IDUA: variants seen among roughly 807,000 people sequenced by gnomAD.
IDUA encodes alpha-L-iduronidase.
A neutral mutation model predicts 68.9 loss-of-function variants in IDUA; 65 were observed. That is an observed-to-expected ratio of 0.94 (90% CI 0.77 to 1.16). IDUA has a LOEUF of 1.16. Among genes scored for constraint, IDUA ranks in the 50% most tolerant of loss-of-function variants. The pLI is 0.00. For synonymous variants in IDUA, 529 were observed against 433.6 expected (o/e 1.22, Z -2.73); for missense variants, 1,046 against 938.0 (o/e 1.12, Z -1.50).
At chr4:987,007 G>A, upstream of IDUA, 7 of 1,416,378 alleles carry the variant, frequency 4.9e-6, no homozygotes, top group Non-Finnish European at 6.6e-6. Flanking sequence ...GTCACATGGG[G>A]TGCGCGCCCA....
At chr4:1,000,816 G>T (rs968609827) in intron 3 of IDUA, 66 bp from the exon 4 acceptor site, 5 of 1,510,404 alleles carry the variant, frequency 3.3e-6, no homozygotes, top group Non-Finnish European at 4.6e-6. Context: ...TGGTGCCGGA[G>T]CACAGGCCTG....
At chr4:1,003,813 G>A (rs1459391072) in intron 12 of IDUA, 188 bp downstream of exon 12, 9 of 780,232 alleles carry the variant, frequency 1.2e-5, no homozygotes, top group Middle Eastern at 2.9e-4. Context: ...GTGGGGTGTG[G>A]GTTCTCCTAG....
chr4:1,003,794 GC>G (rs1715275999), intron 12 of IDUA, 169 bp downstream of exon 12: 1 of 831,982 alleles, frequency 1.2e-6, no homozygotes, highest in Admixed American at 2.1e-5. Context: ...CACGCGCCAG[GC>G]CCTGCCAGTG....
chr4:1,001,056 T>A (rs753381131), intron 4 of IDUA, 67 bp downstream of exon 4: 26 of 1,073,440 alleles, frequency 2.4e-5, no homozygotes, highest in Middle Eastern at 2.2e-4. Flanking sequence ...TGCACCCCTA[T>A]CACGCAGGCT....
intron 8 of IDUA, 103 bp downstream of exon 8, chr4:1,002,588 C>G: frequency 8.0e-7 from 1 of 1,243,458 alleles, no homozygotes; most frequent in Non-Finnish European, 1.1e-6. Flanking sequence ...CAGCCGCGCG[C>G]TTCCCGGGGT....
In IDUA at chr4:1,002,896, C is replaced by A. The variant is rs1417680934; in HGVS notation, c.1354C>A (p.Arg452Ser). The A allele has an allele frequency of 4.2e-6, 6 of 1,417,122 alleles. No individual in the cohort carries two copies. The East Asian group carries it at 1.5e-4, about 36-fold the overall frequency. The allele number at this position is 1,417,122 out of a possible 1,614,324, so 87.8% of individuals were successfully genotyped here. A position where few individuals can be genotyped will look rare whatever the true frequency, so the allele number is the denominator to read the frequency against. Reference protein sequence around the residue: ...ASDDTRAHPNRSVAVTLRLRG... With the variant: ...ASDDTRAHPNSSVAVTLRLRG... ...CGACGACACCCGCGCCCACCCCAAC[C>A]GCAGCGTCGCGGTGACCCTGCGGCT... The change falls in exon 9 of 14, where the codon CGC becomes AGC. Residue 452 changes from arginine (R) to serine (S), a missense_variant. Coordinates refer to ENST00000514224, the MANE Select transcript of IDUA (RefSeq NM_000203.5).
At chr4:1,002,671 C>T in intron 8 of IDUA, 61 bp from the exon 9 acceptor site, 1 of 1,292,690 alleles carries the variant, frequency 7.7e-7, no homozygotes, top group East Asian at 2.9e-5. Context: ...AGGCCCGGCC[C>T]TGGGTCGGGG....
Position 987,957 on chromosome 4 carries a change from G to A in IDUA, c.299+8G>A, listed in dbSNP as rs546988577. On this transcript the variant is annotated splice_region_variant and intron_variant, in intron 2 of 13. Coordinates refer to ENST00000514224, the MANE Select transcript of IDUA (RefSeq NM_000203.5). ...GGAGCTTGTCACCACCAGGTGGGCG[G>A]CGGGCAGGGTCTGGGCGTCCCAGAG... 64 of 1,565,374 alleles carry A rather than the reference G, an allele frequency of 4.1e-5. 2 individuals are homozygous for A. The Middle Eastern group carries it at 7.1e-4, about 17-fold the overall frequency.
rs182905678 is a variant in IDUA at position 1,002,993 on chromosome 4, G to A, written c.1403-43G>A. 4 of 1,422,466 alleles carry A rather than the reference G, an allele frequency of 2.8e-6. No homozygotes were observed. The African/African-American group carries it at 6.0e-5, about 21-fold the overall frequency. The allele number at this position is 1,422,466 out of a possible 1,614,324, so 88.1% of individuals were successfully genotyped here. On this transcript the variant is annotated intron_variant, in intron 9 of 13. Transcript: ENST00000514224. ...CTCTGGCCCCGCTGGGGCTCTGGAG[G>A]GGGCGGCCCGGGGAGCCGAGGCCTG...
Position 1,003,357 on chromosome 4 carries a change from G to A in IDUA, c.1537G>A (p.Ala513Thr). 6.9e-7 allele frequency: 1 copy of A among 1,457,142 alleles called. No individual in the cohort carries two copies. The highest frequency in any genetic ancestry group is 1.3e-5 in the South Asian group (1 of 74,120). 90.3% of individuals were successfully genotyped at this position (1,457,142 alleles called of 1,614,324 possible). A position where few individuals can be genotyped will look rare whatever the true frequency, so the allele number is the denominator to read the frequency against. ...CCACTGCGCCCAGGACCCGGTGGCC[G>A]CGGCGCCCCGCCCCTTACCCGCCGG... The part of the protein sequence containing the change: ...RMRAAEDPVA[A>T]APRPLPAGGR... The change falls in exon 11 of 14, where the codon GCG becomes ACG. Residue 513 changes from alanine to threonine, a missense_variant. By Grantham distance (58) the Ala-to-Thr change is moderately conservative. Transcript: ENST00000514224.
intron 2 of IDUA, chr4:988,525 T>C: frequency 2.5e-6 from 3 of 1,201,714 alleles, no homozygotes; most frequent in Middle Eastern, 3.3e-4. Flanking sequence ...TCAAATAAGA[T>C]GTCAACCCTG....
intron 2 of IDUA, among the ~76,000 whole-genome samples, chr4:998,783 A>ACCCCCCCCC (rs148444493): frequency 8.3e-6 from 1 of 120,756 alleles, no homozygotes; most frequent in Non-Finnish European, 1.7e-5. Context: ...CGACCCCCCG[A>ACCCCCCCCC]CCCCCCACCT....
intron 2 of IDUA, chr4:989,973 G>A: frequency 6.4e-7 from 1 of 1,557,010 alleles, no homozygotes; most frequent in East Asian, 2.4e-5. Flanking sequence ...CCGTGGGGAT[G>A]TCGCCAGCCA....
At chr4:991,695 C>G in intron 2 of IDUA, 1 of 1,531,518 alleles carries the variant, frequency 6.5e-7, no homozygotes. Context: ...GCTCAGGGGA[C>G]TCGTCCATCC....
Position 993,113 on chromosome 4 carries a change from TG to T in IDUA, c.299+5167del, listed in dbSNP as rs373241118. On this transcript the variant is annotated intron_variant, in intron 2 of 13. Coordinates refer to ENST00000514224, the MANE Select transcript of IDUA (RefSeq NM_000203.5). ...CCTTCCCTGGAAGACCCCACCACACTGGGTCCCTGGATGCCCTGAAGCCCAC... is the reference window on the plus strand; with the variant it reads ...CCTTCCCTGGAAGACCCCACCACACTGGTCCCTGGATGCCCTGAAGCCCAC... 5.9e-3 allele frequency among the ~76,000 whole-genome samples: 899 copies of T among 152,244 alleles called. 8 individuals carry two copies. Among genetic ancestry groups the T allele is most frequent in the African/African-American group, 0.021 (867 of 41,546 alleles).
In IDUA at chr4:987,827, C is replaced by T; in HGVS notation, c.177C>T (p.Ser59=). 6.2e-7 allele frequency: 1 copy of T among 1,612,502 alleles called. No individual in the cohort carries two copies. Among genetic ancestry groups the T allele is most frequent in the Non-Finnish European group, 8.5e-7 (1 of 1,179,876 alleles). ...TCCCCAGCCCCCCGCTGCCACACAG[C>T]CAGGCTGACCAGTACGTCCTCAGCT... The part of the protein sequence containing the change: ...STGFCPPLPH[S]QADQYVLSWD... The change falls in exon 2 of 14, where the codon AGC becomes AGT. Residue 59 remains serine, a synonymous_variant. Coordinates refer to ENST00000514224, the MANE Select transcript of IDUA (RefSeq NM_000203.5).
chr4:1,001,754 G>A lies in IDUA; in HGVS notation c.665G>A (p.Gly222Asp). 6.3e-7 allele frequency: 1 copy of A among 1,598,230 alleles called. No individual in the cohort carries two copies. Among genetic ancestry groups the A allele is most frequent in the Non-Finnish European group, 8.5e-7 (1 of 1,177,394 alleles). ...CCCGCCCTGCGGCTGGGAGGCCCCG[G>A]CGACTCCTTCCACACCCCACCGCGA... ...ASPALRLGGP[G>D]DSFHTPPRSP... is the part of the protein sequence containing the mutation. Residue 222 changes from glycine to aspartate, a missense_variant, in exon 6 of 14, where the codon GGC becomes GAC. Physicochemically the swap from Gly to Asp is moderately conservative, Grantham distance 94. Transcript: ENST00000514224.
Position 991,996 on chromosome 4 carries a change from T to C in IDUA, c.299+4047T>C. On this transcript the variant is annotated intron_variant, in intron 2 of 13. Transcript: ENST00000514224. ...CCATGGGGTGTGCTGAGGCCAGCAGTGCTGAGGGGCGGCGTGGCGGCACCC... is the reference window on the plus strand; with the variant it reads ...CCATGGGGTGTGCTGAGGCCAGCAGCGCTGAGGGGCGGCGTGGCGGCACCC... The C allele has an allele frequency of 7.3e-6, 5 of 681,654 alleles. No individual in the cohort carries two copies. In the South Asian group the frequency reaches 7.6e-5, roughly 10 times the overall value. 42.2% of individuals were successfully genotyped at this position (681,654 alleles called of 1,614,324 possible).
intron 2 of IDUA, among the ~76,000 whole-genome samples, chr4:997,981 G>A (rs1449006597): frequency 3.9e-5 from 6 of 152,224 alleles, no homozygotes; most frequent in Non-Finnish European, 8.8e-5. Context: ...AGCCCAGCTG[G>A]GTCTTCACTT....
Sources: allele counts gnomAD v4.1 joint callset (sites outside exome capture counted in the v4.1 genomes callset), GRCh38; gene constraint gnomAD v4.1.1; transcripts MANE v1.5; gene names NCBI Gene and HGNC (gene_info 2026-07-23, HGNC 2026-07-21).